RAP1GDS1: variants seen among roughly 807,000 people sequenced by gnomAD.
The protein encoded by RAP1GDS1 is RAP1, GTP-GDP dissociation stimulator 1.
Under a neutral mutation model 71.1 loss-of-function variants are expected in RAP1GDS1, and 35 were observed. The ratio of observed to expected loss-of-function variants is 0.49; its 90% confidence interval spans 0.38 to 0.65. The LOEUF is 0.65. Among genes scored for constraint, RAP1GDS1 ranks in the 30% least tolerant of loss-of-function variants. RAP1GDS1 has a pLI of 0.00. For missense variants in RAP1GDS1, 663 were observed against 706.1 expected (o/e 0.94, Z 0.69); for synonymous variants, 229 against 243.1 (o/e 0.94, Z 0.54).
intron 2 of RAP1GDS1, among the ~76,000 whole-genome samples, chr4:98,314,554 G>A (rs1346711308): frequency 6.6e-6 from 1 of 152,066 alleles, no homozygotes; most frequent in East Asian, 1.9e-4. Flanking sequence ...TTATGTCAGT[G>A]TGTATTCATT....
At chr4:98,421,089 A>G (rs1748788245) in intron 11 of RAP1GDS1, among the ~76,000 whole-genome samples, 166 bp from the exon 12 acceptor site, 1 of 152,224 alleles carries the variant, frequency 6.6e-6, no homozygotes, top group South Asian at 2.1e-4. Context: ...AGTGTTACAG[A>G]AGAAGGCAAA....
At chr4:98,406,721 C>T (rs1362454696) in intron 7 of RAP1GDS1, among the ~76,000 whole-genome samples, 1 of 151,950 alleles carries the variant, frequency 6.6e-6, no homozygotes, top group Non-Finnish European at 1.5e-5. Flanking sequence ...ACATATGAAA[C>T]ATTTAAGAAC....
chr4:98,301,005 G>GT lies in RAP1GDS1; in HGVS notation c.112+7500dup, dbSNP rs575741866. 2.9e-3 allele frequency among the ~76,000 whole-genome samples: 431 copies of GT among 147,426 alleles called. 2 individuals carry two copies. Among genetic ancestry groups the GT allele is most frequent in the African/African-American group, 8.0e-3 (324 of 40,302 alleles). On this transcript the variant is annotated intron_variant, in intron 2 of 14. Coordinates refer to ENST00000408927, the MANE Select transcript of RAP1GDS1 (RefSeq NM_001100427.2). ...AGTAAGAGAGTTCTTATTATCAACTGTTTTTTTTTTCCTGTATTTGCAATC... is the reference window on the plus strand; with the variant it reads ...AGTAAGAGAGTTCTTATTATCAACTGTTTTTTTTTTTCCTGTATTTGCAATC...
At chr4:98,438,494 G>C (rs947789408) in intron 14 of RAP1GDS1, among the ~76,000 whole-genome samples, 1 of 137,260 alleles carries the variant, frequency 7.3e-6, no homozygotes, top group Non-Finnish European at 1.6e-5. Context: ...TTTGTTTTCT[G>C]TTTGTCACAT....
intron 1 of RAP1GDS1, among the ~76,000 whole-genome samples, chr4:98,290,928 C>T (rs184244447): frequency 1.2e-4 from 19 of 152,198 alleles, no homozygotes; most frequent in African/African-American, 2.4e-5. Context: ...CTGTGCACAA[C>T]TGGGGTCACA....
intron 1 of RAP1GDS1, among the ~76,000 whole-genome samples, chr4:98,288,179 C>T (rs535912615): frequency 9.9e-5 from 15 of 152,074 alleles, no homozygotes; most frequent in Admixed American, 3.3e-4. Flanking sequence ...TATCCCTCCC[C>T]GCTACCCCCA....
rs368892266 is a variant in RAP1GDS1 at position 98,423,171 on chromosome 4, G to C, written c.1440+1777G>C. On this transcript the variant is annotated intron_variant, in intron 12 of 14. Coordinates refer to ENST00000408927, the MANE Select transcript of RAP1GDS1 (RefSeq NM_001100427.2). Reference sequence around the variant, plus strand: ...CAGAGGAAAGAAAGACTAACACACTGTCTGGGTAATCTGGGATGGTGCCAT... The same window carrying C: ...CAGAGGAAAGAAAGACTAACACACTCTCTGGGTAATCTGGGATGGTGCCAT... Among the ~76,000 whole-genome samples the C allele has an allele frequency of 6.6e-5, 10 of 152,308 alleles. No individual in the cohort carries two copies. In the South Asian group the frequency reaches 1.9e-3, roughly 28 times the overall value.
At chr4:98,423,452 C>T (rs1029631301) in intron 12 of RAP1GDS1, among the ~76,000 whole-genome samples, 1 of 152,196 alleles carries the variant, frequency 6.6e-6, no homozygotes, top group African/African-American at 2.4e-5. Context: ...GGACTTGATT[C>T]TGTAGAGAAT....
chr4:98,275,887 A>T (rs146668757), intron 1 of RAP1GDS1, among the ~76,000 whole-genome samples: 2 of 151,750 alleles, frequency 1.3e-5, no homozygotes, highest in Non-Finnish European at 2.9e-5. Context: ...GGCCCTTATT[A>T]CCTCTTCTTG....
chr4:98,429,300 A>G (rs922375656), intron 12 of RAP1GDS1, among the ~76,000 whole-genome samples: 18 of 151,876 alleles, frequency 1.2e-4, no homozygotes, highest in Non-Finnish European at 2.5e-4. Flanking sequence ...GTGTATATAT[A>G]TATATGATGG....
chr4:98,361,944 T>G (rs1738809819), intron 4 of RAP1GDS1, among the ~76,000 whole-genome samples: 1 of 152,220 alleles, frequency 6.6e-6, no homozygotes, highest in Non-Finnish European at 1.5e-5. Context: ...ATGTTATAGC[T>G]TTTGCTTTTA....
At chr4:98,427,896 A>G (rs1749836748) in intron 12 of RAP1GDS1, among the ~76,000 whole-genome samples, 1 of 152,178 alleles carries the variant, frequency 6.6e-6, no homozygotes, top group Non-Finnish European at 1.5e-5. Context: ...AAGAGCCTGC[A>G]TAGCCAAGGC....
At chr4:98,433,180 T>A (rs1750683954) in intron 12 of RAP1GDS1, among the ~76,000 whole-genome samples, 1 of 152,166 alleles carries the variant, frequency 6.6e-6, no homozygotes, top group Non-Finnish European at 1.5e-5. Flanking sequence ...TGTAATTCAG[T>A]TTTCATATTT....
At chr4:98,299,882 G>A (rs186372447) in intron 2 of RAP1GDS1, among the ~76,000 whole-genome samples, 2 of 152,068 alleles carry the variant, frequency 1.3e-5, no homozygotes, top group South Asian at 4.1e-4. Context: ...GCCTCCCAAA[G>A]TACTAAGATT....
intron 5 of RAP1GDS1, among the ~76,000 whole-genome samples, chr4:98,380,142 G>T (rs529614783): frequency 4.7e-5 from 7 of 150,460 alleles, no homozygotes; most frequent in African/African-American, 1.7e-4. Flanking sequence ...GGCCCTTGTT[G>T]TTAGTGACAA....
chr4:98,437,166 C>T lies in RAP1GDS1; in HGVS notation c.1696+98C>T, dbSNP rs769006187. 8.0e-5 allele frequency: 99 copies of T among 1,241,576 alleles called. No homozygotes were observed. In the East Asian group the frequency reaches 1.2e-3, roughly 15 times the overall value. 76.9% of individuals were successfully genotyped at this position (1,241,576 alleles called of 1,614,324 possible). A position where few individuals can be genotyped will look rare whatever the true frequency, so the allele number is the denominator to read the frequency against. On this transcript the variant is annotated intron_variant, in intron 14 of 14. Transcript: ENST00000408927. The stretch of plus-strand genomic sequence containing the variant: ...AAATGATGGTTTTGGGTTTTAAAGC[C>T]GTTAGAAATTAGTTTATGGAGGTTA...
At chr4:98,327,422 C>A (rs1733302018) in intron 2 of RAP1GDS1, among the ~76,000 whole-genome samples, 1 of 152,174 alleles carries the variant, frequency 6.6e-6, no homozygotes, top group Admixed American at 6.5e-5. Context: ...GGGCAGATGT[C>A]TTTCCAGAAG....
intron 2 of RAP1GDS1, among the ~76,000 whole-genome samples, chr4:98,316,349 A>C (rs1386525952): frequency 6.6e-6 from 1 of 152,202 alleles, no homozygotes; most frequent in Non-Finnish European, 1.5e-5. Context: ...GAGAAGACTG[A>C]TCAGAAAGTG....
chr4:98,418,650 T>C lies in RAP1GDS1; in HGVS notation c.1040-7T>C, dbSNP rs547771649. On this transcript the variant is annotated splice_polypyrimidine_tract_variant and splice_region_variant and intron_variant, in intron 9 of 14. Coordinates refer to ENST00000408927, the MANE Select transcript of RAP1GDS1 (RefSeq NM_001100427.2). ...AGGAAGAAAAAGATGTGTGTTTTTT[T>C]TTTCAGATGCAAATTGTATTCATAT... 11 of 1,583,638 alleles carry C rather than the reference T, an allele frequency of 6.9e-6. No homozygotes were observed. Among genetic ancestry groups the C allele is most frequent in the Middle Eastern group, 1.7e-4 (1 of 5,878 alleles).
Sources: allele counts gnomAD v4.1 joint callset (sites outside exome capture counted in the v4.1 genomes callset), GRCh38; gene constraint gnomAD v4.1.1; transcripts MANE v1.5; gene names NCBI Gene and HGNC (gene_info 2026-07-23, HGNC 2026-07-21).